VAV3: variants seen among roughly 807,000 people sequenced by gnomAD.
VAV3 encodes the protein guanine nucleotide exchange factor VAV3.
Under a neutral mutation model 131.2 loss-of-function variants are expected in VAV3, and 94 were observed. That is an observed-to-expected ratio of 0.72 (90% CI 0.61 to 0.85). The LOEUF (loss-of-function observed/expected upper bound fraction) is 0.85. Ranked by LOEUF, VAV3 falls within the 40% of genes least tolerant of loss-of-function variation. The pLI is 0.00. For missense variants in VAV3, 939 were observed against 1,002.7 expected, an observed-to-expected ratio of 0.94 and a Z score of 0.86; for synonymous variants, 349 against 342.0, an observed-to-expected ratio of 1.02 and a Z score of -0.22.
chr1:107,803,772 A>ATTTG lies in VAV3; in HGVS notation c.322-24281_322-24280insCAAA, dbSNP rs1666933677. On this transcript the variant is annotated intron_variant, in intron 2 of 26. Coordinates refer to ENST00000370056, the MANE Select transcript of VAV3 (RefSeq NM_006113.5). The stretch of plus-strand genomic sequence containing the variant: ...AAAGTCATTTAGGTCTATTTGGTCT[A>ATTTG]GTGTAGTAGTTTAACTCTGCTGTTT... 2.6e-5 allele frequency among the ~76,000 whole-genome samples: 4 copies of ATTTG among 152,202 alleles called. No homozygotes were observed. In the South Asian group the frequency reaches 8.3e-4, roughly 32 times the overall value.
chr1:107,755,156 A>C (rs1043262716), intron 12 of VAV3, among the ~76,000 whole-genome samples: 1 of 152,154 alleles, frequency 6.6e-6, no homozygotes, highest in Non-Finnish European at 1.5e-5. Context: ...AGAAAAGAAA[A>C]AAAAAGTGGA....
chr1:107,640,542 T>C (rs994992225), intron 20 of VAV3, among the ~76,000 whole-genome samples: 13 of 152,192 alleles, frequency 8.5e-5, no homozygotes, highest in African/African-American at 3.1e-4. Flanking sequence ...TGATATTGGA[T>C]ATGTTTATTA....
At chr1:107,793,727 A>G (rs1666408893) in intron 2 of VAV3, among the ~76,000 whole-genome samples, 1 of 152,206 alleles carries the variant, frequency 6.6e-6, no homozygotes, top group Admixed American at 6.5e-5. Flanking sequence ...TAAGCCAATA[A>G]AGATATTTTT....
At chr1:107,807,203 A>T (rs898582325) in intron 2 of VAV3, among the ~76,000 whole-genome samples, 3 of 152,170 alleles carry the variant, frequency 2.0e-5, no homozygotes, top group Non-Finnish European at 4.4e-5. Flanking sequence ...AGGTCATTCC[A>T]CTGCAAATTC....
chr1:107,649,536 G>A (rs374099833), intron 19 of VAV3, among the ~76,000 whole-genome samples: 4 of 152,104 alleles, frequency 2.6e-5, no homozygotes, highest in Admixed American at 1.3e-4. Context: ...GAGGTCCAGA[G>A]TGATTATTGA....
At position 107,723,533 on chromosome 1, in the gene VAV3, G is replaced by T. The variant is rs987556662; in HGVS notation, c.1503-18472C>A. ...TCTGGGCCTGGCTGCTTGACACACTGCCAGACACAGGATTCCAGAGTAATG... is the reference window on the plus strand; with the variant it reads ...TCTGGGCCTGGCTGCTTGACACACTTCCAGACACAGGATTCCAGAGTAATG... On this transcript the variant is annotated intron_variant, in intron 15 of 26. Transcript: ENST00000370056. Among the ~76,000 whole-genome samples, 8 of 151,608 alleles carry T rather than the reference G, an allele frequency of 5.3e-5. 1 individual carries two copies. Among genetic ancestry groups the T allele is most frequent in the African/African-American group, 1.7e-4 (7 of 41,362 alleles).
intron 1 of VAV3, among the ~76,000 whole-genome samples, chr1:107,899,583 G>A (rs1671763419): frequency 6.6e-6 from 1 of 152,154 alleles, no homozygotes; most frequent in Non-Finnish European, 1.5e-5. Flanking sequence ...GAGCTCCGTA[G>A]GACAGGAAAG....
At chr1:107,630,420 T>G (rs1266758848) in intron 20 of VAV3, among the ~76,000 whole-genome samples, 4 of 151,790 alleles carry the variant, frequency 2.6e-5, no homozygotes, top group Non-Finnish European at 4.4e-5. Context: ...AGAACTCCTT[T>G]GTGTATTTGC....
intron 1 of VAV3, among the ~76,000 whole-genome samples, chr1:107,956,255 C>T (rs532576449): frequency 1.1e-4 from 16 of 152,056 alleles, no homozygotes; most frequent in African/African-American, 1.7e-4. Flanking sequence ...AAGGGAGAAA[C>T]GGGTGATTAA....
chr1:107,688,031 T>C (rs908407226), intron 18 of VAV3, among the ~76,000 whole-genome samples: 10 of 152,206 alleles, frequency 6.6e-5, no homozygotes, highest in African/African-American at 2.2e-4. Context: ...ATTTCAGTAA[T>C]TCGGCAAATG....
intron 2 of VAV3, among the ~76,000 whole-genome samples, chr1:107,819,779 A>G (rs1440427421): frequency 6.6e-6 from 1 of 152,190 alleles, no homozygotes; most frequent in Admixed American, 6.5e-5. Flanking sequence ...ATTAAAATCT[A>G]TGATAACAGT....
chr1:107,803,146 A>C (rs1666906362), intron 2 of VAV3, among the ~76,000 whole-genome samples: 1 of 151,764 alleles, frequency 6.6e-6, no homozygotes, highest in African/African-American at 2.4e-5. Context: ...AATAGTTTCT[A>C]ATGATTCTTT....
chr1:107,891,351 A>G (rs1301075479), intron 1 of VAV3, among the ~76,000 whole-genome samples: 2 of 152,176 alleles, frequency 1.3e-5, no homozygotes, highest in Non-Finnish European at 2.9e-5. Flanking sequence ...ACCAAATTCT[A>G]TACTAACAGA....
At chr1:107,681,651 A>G (rs1236876164) in intron 19 of VAV3, among the ~76,000 whole-genome samples, 2 of 117,312 alleles carry the variant, frequency 1.7e-5, no homozygotes, top group African/African-American at 6.8e-5. Flanking sequence ...ACGTAATGGA[A>G]AACTTTTTTT....
At chr1:107,800,343 C>G (rs1666767973) in intron 2 of VAV3, among the ~76,000 whole-genome samples, 1 of 152,106 alleles carries the variant, frequency 6.6e-6, no homozygotes, top group South Asian at 2.1e-4. Flanking sequence ...TCTCCATATC[C>G]TCACCAGCAT....
At chr1:107,799,882 ATCTC>A (rs1666743228) in intron 2 of VAV3, among the ~76,000 whole-genome samples, 1 of 152,026 alleles carries the variant, frequency 6.6e-6, no homozygotes, top group South Asian at 2.1e-4. Flanking sequence ...ATAACCACCA[ATCTC>A]TCTCTGTCTT....
intron 1 of VAV3, among the ~76,000 whole-genome samples, chr1:107,952,489 C>CATATATATATATATATATAT (rs1557943637): frequency 7.5e-6 from 1 of 133,636 alleles, no homozygotes; most frequent in Non-Finnish European, 1.5e-5. Flanking sequence ...TATATATACA[C>CATATATATATATATATATAT]ACATAAATTC....
chr1:107,666,770 T>C (rs1000879873), intron 19 of VAV3, among the ~76,000 whole-genome samples: 1 of 152,098 alleles, frequency 6.6e-6, no homozygotes, highest in Non-Finnish European at 1.5e-5. Context: ...CCAGTCCCTG[T>C]TCTATGACCT....
chr1:107,695,009 A>G (rs1271055893), intron 17 of VAV3, among the ~76,000 whole-genome samples: 1 of 152,166 alleles, frequency 6.6e-6, no homozygotes, highest in Non-Finnish European at 1.5e-5. Context: ...ATCTGCATTG[A>G]CTTTTTGAAA....
Sources: gnomAD v4.1 joint callset for allele counts (sites outside exome capture counted in the v4.1 genomes callset) on GRCh38, gnomAD v4.1.1 for gene constraint, MANE v1.5 for transcripts, NCBI Gene and HGNC (gene_info 2026-07-23, HGNC 2026-07-21) for gene names.